The following NAP1L4 variants were observed in gnomAD, a reference collection of about 807,000 sequenced individuals.
NAP1L4 encodes nucleosome assembly protein 1-like 4.
In NAP1L4, 15 loss-of-function variants were observed where a neutral mutation model predicts 58.2. The ratio of observed to expected loss-of-function variants is 0.26; its 90% CI spans 0.17 to 0.40. NAP1L4 has a LOEUF of 0.40. Ranked by LOEUF, NAP1L4 falls within the 10% of genes least tolerant of loss-of-function variation. The pLI, the probability that NAP1L4 is intolerant of heterozygous loss-of-function variation, is 1.00. For missense variants in NAP1L4, 384 were observed against 451.1 expected (o/e 0.85, Z 1.35); for synonymous variants, 171 against 155.6 (o/e 1.10, Z -0.74).
intron 1 of NAP1L4, among the ~76,000 whole-genome samples, chr11:2,981,073 A>G (rs1345401444): frequency 6.8e-6 from 1 of 147,116 alleles, no homozygotes; most frequent in East Asian, 1.9e-4. Flanking sequence ...CTACAAAAAC[A>G]AACAAACAAA....
In NAP1L4 at chr11:2,950,090, C is replaced by T. The variant is rs551552591; in HGVS notation, c.1123-826G>A. On this transcript the variant is annotated intron_variant, in intron 14 of 15. Transcript: ENST00000380542. ...CCAACGTTGTTCACTGGCTGACTGA[C>T]AGCCCTCACCTTCCCTGTCCGCACA... Among the ~76,000 whole-genome samples the T allele has an allele frequency of 2.6e-5, 4 of 152,376 alleles. No individual in the cohort carries two copies. In the South Asian group the frequency reaches 8.3e-4, roughly 32 times the overall value.
In NAP1L4 at chr11:2,951,594, C is replaced by T. The variant is rs1368660919; in HGVS notation, c.1065+186G>A. On this transcript the variant is annotated intron_variant, in intron 13 of 15. Coordinates refer to ENST00000380542, the MANE Select transcript of NAP1L4 (RefSeq NM_005969.4). The surrounding 1 kb of genome is among the most constrained non-coding windows in gnomAD (Gnocchi z 4.0). ...CATGAACCAACTGCAGGGTCAAAAACGATGGAAACTGTCACAGCATTTGCT... is the reference window on the plus strand; with the variant it reads ...CATGAACCAACTGCAGGGTCAAAAATGATGGAAACTGTCACAGCATTTGCT... Among the ~76,000 whole-genome samples, 1 of 152,140 alleles carries T rather than the reference C, an allele frequency of 6.6e-6. No homozygotes were observed. Among genetic ancestry groups the T allele is most frequent in the Non-Finnish European group, 1.5e-5 (1 of 68,030 alleles).
chr11:2,982,759 AC>A (rs1278486322), intron 1 of NAP1L4, among the ~76,000 whole-genome samples: 2 of 152,188 alleles, frequency 1.3e-5, no homozygotes, highest in East Asian at 3.9e-4. Flanking sequence ...CTGGGGGCTA[AC>A]ACCTGTAATC....
In NAP1L4 at chr11:2,962,721, T is replaced by C. The variant is rs1422829027; in HGVS notation, c.606+1959A>G. On this transcript the variant is annotated intron_variant, in intron 8 of 15. Transcript: ENST00000380542. ...CTACCATAACCAGAGCTCTAGTCTATGAGTCACAATGAGATGGAGAAAAAT... is the reference window on the plus strand; with the variant it reads ...CTACCATAACCAGAGCTCTAGTCTACGAGTCACAATGAGATGGAGAAAAAT... Among the ~76,000 whole-genome samples the C allele has an allele frequency of 2.6e-5, 4 of 151,534 alleles. No homozygotes were observed. In the East Asian group the frequency reaches 5.8e-4, roughly 22 times the overall value.
rs899424213 is a variant in NAP1L4 at position 2,945,626 on chromosome 11, C to A, written c.*53G>T. The stretch of plus-strand genomic sequence containing the variant: ...CCGCTTCCTACTGCTGCTTGCATTC[C>A]GCCGGCTGGCTGGGTTCCTTCTGTC... On this transcript the variant is annotated 3_prime_UTR_variant, in exon 16 of 16. Transcript: ENST00000380542. 3 of 1,535,902 alleles carry A rather than the reference C, an allele frequency of 2.0e-6. No individual in the cohort carries two copies. The African/African-American group carries it at 4.1e-5, about 21-fold the overall frequency.
At chr11:2,945,734 A>AC in intron 15 of NAP1L4, 88 bp from the exon 16 acceptor site, 1 of 1,115,274 alleles carries the variant, frequency 9.0e-7, no homozygotes, top group Non-Finnish European at 1.3e-6. Context: ...CCAAGACTGA[A>AC]TGAGTTCATT....
chr11:2,951,976 A>G lies in NAP1L4; in HGVS notation c.1036-167T>C. 2 of 665,864 alleles carry G rather than the reference A, an allele frequency of 3.0e-6. No homozygotes were observed. Among genetic ancestry groups the G allele is most frequent in the Non-Finnish European group, 5.4e-6 (2 of 371,524 alleles). The allele number at this position is 665,864 out of a possible 1,614,324, so 41.2% of individuals were successfully genotyped here. A position where few individuals can be genotyped will look rare whatever the true frequency, so the allele number is the denominator to read the frequency against. ...CCTGAGGAGCCATTTGCTTGTGTGC[A>G]GCGCATTTTAAAAGCATGCCAGGAA... is the stretch of plus-strand genomic sequence containing the variant. On this transcript the variant is annotated intron_variant, in intron 12 of 15. Transcript: ENST00000380542. The surrounding 1 kb of genome is among the most constrained non-coding windows in gnomAD (Gnocchi z 4.0).
intron 1 of NAP1L4, among the ~76,000 whole-genome samples, chr11:2,987,292 T>C (rs1336301879): frequency 6.6e-6 from 1 of 151,940 alleles, no homozygotes; most frequent in East Asian, 2.0e-4. Flanking sequence ...GATAATGTTC[T>C]GGGTTTTTTG....
intron 9 of NAP1L4, chr11:2,958,852 T>G: frequency 3.0e-6 from 1 of 331,746 alleles, no homozygotes; most frequent in Non-Finnish European, 5.6e-6. Context: ...CAAGTCTGCA[T>G]GATGCACAAG....
At chr11:2,981,418 CAAAAAAAAAAA>C (rs35499396) in intron 1 of NAP1L4, among the ~76,000 whole-genome samples, 7 of 41,274 alleles carry the variant, frequency 1.7e-4, no homozygotes, top group Admixed American at 4.4e-4. Flanking sequence ...TACCCTGTCT[CAAAAAAAAAAA>C]AAAAAAAAAA....
At chr11:2,984,007 A>G (rs897572180) in intron 1 of NAP1L4, among the ~76,000 whole-genome samples, 1 of 151,428 alleles carries the variant, frequency 6.6e-6, no homozygotes, top group Non-Finnish European at 1.5e-5. Context: ...AAAAAAAAAA[A>G]ATGAGGCTGG....
At position 2,945,641 on chromosome 11, in the gene NAP1L4, T is replaced by C. The variant is rs1014774653; in HGVS notation, c.*38A>G. The C allele has an allele frequency of 1.3e-6, 2 of 1,535,894 alleles. No individual in the cohort carries two copies. The highest frequency in any genetic ancestry group is 2.0e-5 in the Admixed American group (1 of 50,970). ...GCTTGCATTCCGCCGGCTGGCTGGGTTCCTTCTGTCAATGAAAAAGACAAG... is the reference window on the plus strand; with the variant it reads ...GCTTGCATTCCGCCGGCTGGCTGGGCTCCTTCTGTCAATGAAAAAGACAAG... On this transcript the variant is annotated 3_prime_UTR_variant, in exon 16 of 16. Coordinates refer to ENST00000380542, the MANE Select transcript of NAP1L4 (RefSeq NM_005969.4).
Position 2,991,241 on chromosome 11 carries a change from CAGACTT to C in NAP1L4, c.-18+1007_-18+1012del, listed in dbSNP as rs1342094867. On this transcript the variant is annotated intron_variant, in intron 1 of 15. Coordinates refer to ENST00000380542, the MANE Select transcript of NAP1L4 (RefSeq NM_005969.4). ...ACATGTCTGCCTCCTGCCCCGCAAT[CAGACTT>C]AGAGAACTGTGGACGGTGGAAAGTC... The C allele has an allele frequency of 1.8e-5, 8 of 432,474 alleles. No individual in the cohort carries two copies. The East Asian group carries it at 5.8e-4, about 31-fold the overall frequency. The allele number at this position is 432,474 out of a possible 1,614,324, so 26.8% of individuals were successfully genotyped here.
chr11:2,958,336 T>G, intron 10 of NAP1L4, 63 bp downstream of exon 10: 1 of 1,554,214 alleles, frequency 6.4e-7, no homozygotes, highest in Non-Finnish European at 8.9e-7. Flanking sequence ...GTTAGGAATC[T>G]ATCAGGTGAC....
rs1846138166 is a variant in NAP1L4 at position 2,949,996 on chromosome 11, CAATA to C, written c.1123-736_1123-733del. On this transcript the variant is annotated intron_variant, in intron 14 of 15. Coordinates refer to ENST00000380542, the MANE Select transcript of NAP1L4 (RefSeq NM_005969.4). This position sits in a 1 kb window ranked among gnomAD's most constrained non-coding sequence, Gnocchi z 4.0. ...GCGCCCACAAGGCGGAAACACAGCC[CAATA>C]AACACACGTGGCCCTTGGGTCCATC... is the stretch of plus-strand genomic sequence containing the variant. Among the ~76,000 whole-genome samples, 1 of 152,258 alleles carries C rather than the reference CAATA, an allele frequency of 6.6e-6. No individual in the cohort carries two copies. Among genetic ancestry groups the C allele is most frequent in the Non-Finnish European group, 1.5e-5 (1 of 68,050 alleles).
intron 10 of NAP1L4, among the ~76,000 whole-genome samples, chr11:2,956,562 C>T (rs1232598354): frequency 6.6e-6 from 1 of 152,234 alleles, no homozygotes; most frequent in Non-Finnish European, 1.5e-5. Flanking sequence ...GCAGCACTTG[C>T]TGTTTGCTGC....
chr11:2,972,275 C>T (rs1292391415), intron 4 of NAP1L4, 32 bp from the exon 5 acceptor site: 3 of 1,561,520 alleles, frequency 1.9e-6, no homozygotes, highest in Non-Finnish European at 2.6e-6. Context: ...ACAACATCCT[C>T]ATGCCTGCAA....
At chr11:2,987,115 AC>A (rs1848679907) in intron 1 of NAP1L4, among the ~76,000 whole-genome samples, 1 of 152,032 alleles carries the variant, frequency 6.6e-6, no homozygotes, top group African/African-American at 2.4e-5. Flanking sequence ...GAATCAAGAT[AC>A]CCCTGTAGGA....
chr11:2,990,026 C>T (rs1398816998), intron 1 of NAP1L4: 1 of 152,256 alleles, frequency 6.6e-6, no homozygotes, highest in East Asian at 1.9e-4. Flanking sequence ...AATTTATTTG[C>T]TACTGCAAAG....
Sources: gnomAD v4.1 joint callset for allele counts (sites outside exome capture counted in the v4.1 genomes callset) on GRCh38, gnomAD v4.1.1 for gene constraint, Gnocchi (gnomAD v3.1) non-coding constraint, MANE v1.5 for transcripts, NCBI Gene and HGNC (gene_info 2026-07-23, HGNC 2026-07-21) for gene names.